Variants in OTOG observed in about 807,000 individuals in gnomAD.
OTOG encodes otogelin.
Under a neutral mutation model 313.8 loss-of-function variants are expected in OTOG, and 296 were observed. The ratio of observed to expected loss-of-function variants is 0.94; its 90% CI spans 0.86 to 1.04. The LOEUF is 1.04. Ranked by LOEUF, OTOG falls within the 50% of genes least tolerant of loss-of-function variation. OTOG has a pLI of 0.00. For synonymous variants in OTOG, 1,533 were observed against 1,554.9 expected (o/e 0.99, Z 0.33); for missense variants, 3,948 against 3,840.1 (o/e 1.03, Z -0.74).
chr11:17,642,589 G>A (rs866714944), intron 53 of OTOG, among the ~76,000 whole-genome samples: 92 of 152,018 alleles, frequency 6.1e-4, no homozygotes, highest in African/African-American at 2.2e-3. Flanking sequence ...CACACCACGC[G>A]TCATCACACC....
At chr11:17,594,403 G>A (rs891557805) in intron 28 of OTOG, among the ~76,000 whole-genome samples, 27 of 152,200 alleles carry the variant, frequency 1.8e-4, no homozygotes, top group Non-Finnish European at 7.3e-5. Flanking sequence ...CTGGTAGGGT[G>A]GTGGAGGGTT....
chr11:17,616,541 T>C (rs1853725135), intron 39 of OTOG, among the ~76,000 whole-genome samples: 1 of 152,184 alleles, frequency 6.6e-6, no homozygotes, highest in Non-Finnish European at 1.5e-5. Context: ...TTATGGCTTC[T>C]TTGATTTTTT....
In OTOG at chr11:17,608,223, G is replaced by T. The variant is rs576185279; in HGVS notation, c.4157-73G>T. The T allele has an allele frequency of 4.9e-6, 5 of 1,020,342 alleles. No individual in the cohort carries two copies. In the East Asian group the frequency reaches 1.5e-4, roughly 30 times the overall value. 63.2% of individuals were successfully genotyped at this position (1,020,342 alleles called of 1,614,324 possible). A position where few individuals can be genotyped will look rare whatever the true frequency, so the allele number is the denominator to read the frequency against. ...CATTTGTCCCCTCCACAGGATGGGGGGCAGGGCTGAGCTCTGGGACTCCCT... is the reference window on the plus strand; with the variant it reads ...CATTTGTCCCCTCCACAGGATGGGGTGCAGGGCTGAGCTCTGGGACTCCCT... On this transcript the variant is annotated intron_variant, in intron 33 of 55. Coordinates refer to ENST00000399397, the MANE Select transcript of OTOG (RefSeq NM_001292063.2).
chr11:17,576,862 C>T lies in OTOG; in HGVS notation c.2562-6C>T, dbSNP rs1421998074. On this transcript the variant is annotated splice_region_variant and splice_polypyrimidine_tract_variant and intron_variant, in intron 21 of 55. Coordinates refer to ENST00000399397, the MANE Select transcript of OTOG (RefSeq NM_001292063.2). ...GGCTAACCCCAGGGCCCGTCTCTCTCTGCAGCCACTGCAAAGATGGAGTCA... is the reference window on the plus strand; with the variant it reads ...GGCTAACCCCAGGGCCCGTCTCTCTTTGCAGCCACTGCAAAGATGGAGTCA... 1.9e-6 allele frequency: 3 copies of T among 1,550,288 alleles called. No homozygotes were observed. Among genetic ancestry groups the T allele is most frequent in the Non-Finnish European group, 2.6e-6 (3 of 1,146,952 alleles).
chr11:17,601,938 T>C (rs965008579), intron 31 of OTOG, among the ~76,000 whole-genome samples: 1 of 152,110 alleles, frequency 6.6e-6, no homozygotes, highest in Admixed American at 6.5e-5. Context: ...GCCCAGGTGC[T>C]CCCTGTGGGT....
intron 33 of OTOG, among the ~76,000 whole-genome samples, chr11:17,607,687 G>A (rs1331754996): frequency 4.6e-5 from 7 of 152,204 alleles, no homozygotes; most frequent in South Asian, 4.1e-4. Flanking sequence ...CCCTTCAGGG[G>A]CCCTCTGGGA....
In OTOG at chr11:17,559,542, T is replaced by G; in HGVS notation, c.1222T>G (p.Cys408Gly). The change falls in exon 12 of 56, where the codon TGC becomes GGC. Residue 408 changes from cysteine to glycine, a missense_variant. By Grantham distance (159) the Cys-to-Gly change is radical. Transcript: ENST00000399397. Reference protein sequence around the residue: ...RTQLRQCTVHCKEKAFTYNEC... With the variant: ...RTQLRQCTVHGKEKAFTYNEC... ...GATCCCTCCTTCCCAAGCTGTGCACTGCAAGGAGAAGGCCTTTACCTACAA... is the reference window on the plus strand; with the variant it reads ...GATCCCTCCTTCCCAAGCTGTGCACGGCAAGGAGAAGGCCTTTACCTACAA... 1 of 1,550,668 alleles carries G rather than the reference T, an allele frequency of 6.4e-7. No individual in the cohort carries two copies. Among genetic ancestry groups the G allele is most frequent in the Middle Eastern group, 1.7e-4 (1 of 5,990 alleles).
intron 47 of OTOG, 119 bp downstream of exon 47, chr11:17,635,830 G>A: frequency 2.5e-6 from 2 of 803,176 alleles, no homozygotes; most frequent in Non-Finnish European, 4.1e-6. Flanking sequence ...GGTGAGCTCT[G>A]GAGGGGCCGA....
Position 17,635,159 on chromosome 11 carries a change from G to C in OTOG, c.7665G>C (p.Gly2555=). ...QDQILITGRL[G]DSCCTSYFCA... Reference sequence around the variant, plus strand: ...AGATCCTGATCACGGGCCGCCTGGGGGACTCCTGCTGCACCTCCTACTTCT... The same window carrying C: ...AGATCCTGATCACGGGCCGCCTGGGCGACTCCTGCTGCACCTCCTACTTCT... Residue 2555 remains glycine (G), a synonymous_variant, in exon 46 of 56, where the codon GGG becomes GGC. Coordinates refer to ENST00000399397, the MANE Select transcript of OTOG (RefSeq NM_001292063.2). The C allele has an allele frequency of 6.5e-7, 1 of 1,547,722 alleles. No individual in the cohort carries two copies. The highest frequency in any genetic ancestry group is 8.7e-7 in the Non-Finnish European group (1 of 1,146,734).
intron 40 of OTOG, among the ~76,000 whole-genome samples, chr11:17,630,689 ACTGTT>A (rs771414822): frequency 3.9e-5 from 6 of 152,294 alleles, no homozygotes; most frequent in Non-Finnish European, 5.9e-5. Flanking sequence ...CAAGCCAATG[ACTGTT>A]ACACAGACTT....
At position 17,639,452 on chromosome 11, in the gene OTOG, C is replaced by T. The variant is rs200993057; in HGVS notation, c.7924C>T (p.Arg2642Trp). The T allele has an allele frequency of 1.7e-5, 26 of 1,550,712 alleles. No individual in the cohort carries two copies. The highest frequency in any genetic ancestry group is 3.3e-4 in the Middle Eastern group (2 of 5,996). ...TGACTGTGACACAATCCCGGTGCCC[C>T]GGTGCCATCTGGTATGGAGACGCTC... ...ECDCDTIPVPRCHLWEKSQLD... is the reference protein window; with the variant it reads ...ECDCDTIPVPWCHLWEKSQLD... Residue 2642 changes from arginine to tryptophan, a missense_variant, in exon 49 of 56, where the codon CGG becomes TGG. Transcript: ENST00000399397.
chr11:17,558,270 C>A lies in OTOG; in HGVS notation c.951C>A (p.Ser317=). The A allele has an allele frequency of 6.4e-7, 1 of 1,550,750 alleles. No individual in the cohort carries two copies. The highest frequency in any genetic ancestry group is 8.7e-7 in the Non-Finnish European group (1 of 1,147,024). The change falls in exon 9 of 56, where the codon TCC becomes TCA. Residue 317 remains serine, a synonymous_variant. Transcript: ENST00000399397. ...PNQPPGPTTS[S]LPRPPCLQQN... is the part of the protein sequence containing the mutation. ...AGCCTCCAGGGCCCACAACTTCCTC[C>A]CTGCCTCGCCCACCGTGCCTACAGC...
intron 39 of OTOG, among the ~76,000 whole-genome samples, chr11:17,619,267 G>A (rs1853805064): frequency 1.3e-5 from 2 of 152,130 alleles, no homozygotes; most frequent in South Asian, 4.1e-4. Context: ...GTGAGGCCCT[G>A]TCTCAACAAA....
At chr11:17,606,507 G>A (rs1400239222) in intron 33 of OTOG, among the ~76,000 whole-genome samples, 1 of 152,226 alleles carries the variant, frequency 6.6e-6, no homozygotes, top group Non-Finnish European at 1.5e-5. Context: ...TGCCCCATGA[G>A]TTCAAAGACT....
chr11:17,575,788 C>T lies in OTOG; in HGVS notation c.2487-768C>T, dbSNP rs1852508916. On this transcript the variant is annotated intron_variant, in intron 20 of 55. Coordinates refer to ENST00000399397, the MANE Select transcript of OTOG (RefSeq NM_001292063.2). ...GATGTGTGCCTGGAGGCTCTCACCC[C>T]TTGATGTTGAGTGTTGCCAACGAAA... Among the ~76,000 whole-genome samples, 3 of 152,156 alleles carry T rather than the reference C, an allele frequency of 2.0e-5. No homozygotes were observed. In the South Asian group the frequency reaches 6.2e-4, roughly 32 times the overall value.
chr11:17,608,266 C>T lies in OTOG; in HGVS notation c.4157-30C>T, dbSNP rs771290252. ...GACTCCCTCTGTGTCTTCACCTGACCCAGAGTTGCTGCCCCATCTCACTTT... is the reference window on the plus strand; with the variant it reads ...GACTCCCTCTGTGTCTTCACCTGACTCAGAGTTGCTGCCCCATCTCACTTT... On this transcript the variant is annotated intron_variant, in intron 33 of 55. Transcript: ENST00000399397. 11 of 1,434,510 alleles carry T rather than the reference C, an allele frequency of 7.7e-6. No homozygotes were observed. The African/African-American group carries it at 1.3e-4, about 17-fold the overall frequency. 88.9% of individuals were successfully genotyped at this position (1,434,510 alleles called of 1,614,324 possible). A position where few individuals can be genotyped will look rare whatever the true frequency, so the allele number is the denominator to read the frequency against.
chr11:17,605,122 C>T (rs968394793), intron 32 of OTOG, among the ~76,000 whole-genome samples: 2 of 152,222 alleles, frequency 1.3e-5, no homozygotes, highest in Non-Finnish European at 2.9e-5. Flanking sequence ...AGCTGGGATT[C>T]CCGCCCCATG....
At chr11:17,614,141 A>T (rs1293928048) in intron 39 of OTOG, among the ~76,000 whole-genome samples, 1 of 152,134 alleles carries the variant, frequency 6.6e-6, no homozygotes. Flanking sequence ...GGGGTATCCA[A>T]CAACAGCCCA....
chr11:17,554,512 T>C (rs1259866523), intron 6 of OTOG, among the ~76,000 whole-genome samples: 1 of 152,194 alleles, frequency 6.6e-6, no homozygotes, highest in Admixed American at 6.5e-5. Flanking sequence ...GAGGAAAGTC[T>C]CTTTGGAGAA....
Sources: gnomAD v4.1 joint callset for allele counts (sites outside exome capture counted in the v4.1 genomes callset) on GRCh38, gnomAD v4.1.1 for gene constraint, MANE v1.5 for transcripts, NCBI Gene and HGNC (gene_info 2026-07-23, HGNC 2026-07-21) for gene names.